The following SHISAL2A variants were observed in gnomAD, a reference collection of about 807,000 sequenced individuals.
SHISAL2A encodes shisa like 2A.
Under a neutral mutation model 11.5 loss-of-function variants are expected in SHISAL2A, and 18 were observed. The ratio of observed to expected loss-of-function variants is 1.57; its 90% CI spans 1.08 to 2.33. The LOEUF is 2.33. Ranked by LOEUF, SHISAL2A falls within the 30% of genes most tolerant of loss-of-function variation. The probability of loss-of-function intolerance (pLI) is 0.00; values close to 1 mark genes in which losing one functional copy is unlikely to be tolerated. For synonymous variants in SHISAL2A, 94 were observed against 99.6 expected, an observed-to-expected ratio of 0.94 and a Z score of 0.34; for missense variants, 261 against 250.9, an observed-to-expected ratio of 1.04 and a Z score of -0.27.
rs1039367895 is a variant in SHISAL2A at position 52,634,003 on chromosome 1, A to G, written c.182+328A>G. Among the ~76,000 whole-genome samples the G allele has an allele frequency of 2.0e-5, 3 of 151,852 alleles. 1 individual carries two copies. The highest frequency in any genetic ancestry group is 4.8e-5 in the African/African-American group (2 of 41,332). On this transcript the variant is annotated intron_variant, in intron 1 of 2. Transcript: ENST00000517870. ...CATATCAAGCCTCCCCCTAACAGCA[A>G]CTTCCATCTTCAAACATTCACAGGC...
downstream of SHISAL2A, among the ~76,000 whole-genome samples, chr1:52,659,853 G>C (rs1265302578): frequency 6.6e-6 from 1 of 152,186 alleles, no homozygotes; most frequent in East Asian, 1.9e-4. Context: ...GGAGGTTTCA[G>C]GAAAGAATCT....
At chr1:52,661,015 G>A (rs1057488842), downstream of SHISAL2A, among the ~76,000 whole-genome samples, 4 of 152,216 alleles carry the variant, frequency 2.6e-5, no homozygotes, top group Non-Finnish European at 5.9e-5. Flanking sequence ...ATTTAAGGCA[G>A]AAGGAACAGC....
Position 52,656,950 on chromosome 1 carries a change from C to T in SHISAL2A, c.483C>T (p.Cys161=), listed in dbSNP as rs761487827. 1.2e-6 allele frequency: 2 copies of T among 1,614,084 alleles called. No homozygotes were observed. The highest frequency in any genetic ancestry group is 1.7e-6 in the Non-Finnish European group (2 of 1,180,046). Reference sequence around the variant, plus strand: ...ACTCCAAACGCCTCCTCCATCATTGCTTCATGGCCACAGTGACCACCAGTG... The same window carrying T: ...ACTCCAAACGCCTCCTCCATCATTGTTTCATGGCCACAGTGACCACCAGTG... ...AVNSKRLLHH[C]FMATVTTSDI... Residue 161 remains cysteine (C), a synonymous_variant, in exon 3 of 3, where the codon TGC becomes TGT. Coordinates refer to ENST00000517870, the MANE Select transcript of SHISAL2A (RefSeq NM_001042693.3).
intron 1 of SHISAL2A, among the ~76,000 whole-genome samples, chr1:52,640,693 A>G (rs2149875949): frequency 6.6e-6 from 1 of 151,934 alleles, no homozygotes; most frequent in South Asian, 2.1e-4. Flanking sequence ...CCTTGTAGAT[A>G]GAGATGCTAG....
chr1:52,663,268 G>A (rs1374886126), intron 4 of SHISAL2A, among the ~76,000 whole-genome samples: 5 of 152,056 alleles, frequency 3.3e-5, no homozygotes, highest in Non-Finnish European at 5.9e-5. Context: ...ACCCAGAGGC[G>A]TGAGGGATTT....
At position 52,652,220 on chromosome 1, in the gene SHISAL2A, C is replaced by T. The variant is rs188610006; in HGVS notation, c.323-4570C>T. On this transcript the variant is annotated intron_variant, in intron 2 of 2. Transcript: ENST00000517870. ...CACAGCCTAGGGCCTCAGATCTCTG[C>T]AAGGTTGTTCTGGGACAAGAGGATC... Among the ~76,000 whole-genome samples, 268 of 152,260 alleles carry T rather than the reference C, an allele frequency of 1.8e-3. 3 individuals carry two copies. Among genetic ancestry groups the T allele is most frequent in the Admixed American group, 0.013 (202 of 15,296 alleles).
At chr1:52,653,477 A>G (rs1691718569) in intron 2 of SHISAL2A, among the ~76,000 whole-genome samples, 1 of 151,800 alleles carries the variant, frequency 6.6e-6, no homozygotes, top group Non-Finnish European at 1.5e-5. Flanking sequence ...AGAAAACTAC[A>G]AAATGCTTAG....
At chr1:52,634,355 C>T (rs1691196760) in intron 1 of SHISAL2A, among the ~76,000 whole-genome samples, 1 of 152,226 alleles carries the variant, frequency 6.6e-6, no homozygotes, top group Admixed American at 6.5e-5. Flanking sequence ...GCACTCTCTA[C>T]TGAGCACTTG....
intron 2 of SHISAL2A, among the ~76,000 whole-genome samples, chr1:52,649,381 C>A (rs146942733): frequency 2.6e-5 from 4 of 152,280 alleles, no homozygotes; most frequent in Middle Eastern, 3.4e-3. Flanking sequence ...ACCCAGATCT[C>A]CCAGACTCTA....
chr1:52,654,356 T>C (rs1691743855), intron 2 of SHISAL2A, among the ~76,000 whole-genome samples: 1 of 152,006 alleles, frequency 6.6e-6, no homozygotes, highest in Non-Finnish European at 1.5e-5. Flanking sequence ...AAAAGAATAA[T>C]GAAGTTGGAG....
At chr1:52,663,994 A>G (rs1054387314) in intron 4 of SHISAL2A, among the ~76,000 whole-genome samples, 9 of 152,316 alleles carry the variant, frequency 5.9e-5, no homozygotes, top group Middle Eastern at 3.4e-3. Context: ...GAGCATTGCA[A>G]TATGCCAAAA....
intron 2 of SHISAL2A, among the ~76,000 whole-genome samples, chr1:52,644,777 G>C (rs372199387): frequency 1.3e-5 from 2 of 152,024 alleles, no homozygotes; most frequent in East Asian, 1.9e-4. Context: ...CAGCACTTTG[G>C]GAGGCCAGGG....
intron 1 of SHISAL2A, among the ~76,000 whole-genome samples, chr1:52,642,197 G>A (rs1162742712): frequency 6.6e-6 from 1 of 152,194 alleles, no homozygotes; most frequent in Non-Finnish European, 1.5e-5. Flanking sequence ...AGAAACAGCA[G>A]TATGGGGGGG....
At chr1:52,657,867 T>C (rs1364627741), downstream of SHISAL2A, among the ~76,000 whole-genome samples, 1 of 152,098 alleles carries the variant, frequency 6.6e-6, no homozygotes, top group East Asian at 1.9e-4. Flanking sequence ...GAAGAATGAA[T>C]GAATGAATGA....
chr1:52,644,446 C>T (rs551052671), intron 2 of SHISAL2A, among the ~76,000 whole-genome samples: 13 of 152,226 alleles, frequency 8.5e-5, no homozygotes, highest in East Asian at 1.9e-4. Context: ...GGGTGACAGC[C>T]GGTTGTAGTG....
intron 1 of SHISAL2A, among the ~76,000 whole-genome samples, chr1:52,637,426 C>T (rs1325009299): frequency 2.0e-5 from 3 of 152,190 alleles, no homozygotes; most frequent in African/African-American, 7.2e-5. Flanking sequence ...TCAAAATCTC[C>T]AGGTAAGCAC....
At chr1:52,641,805 G>A (rs1691371356) in intron 1 of SHISAL2A, among the ~76,000 whole-genome samples, 1 of 151,810 alleles carries the variant, frequency 6.6e-6, no homozygotes, top group South Asian at 2.1e-4. Flanking sequence ...AAAGAGGCGG[G>A]GGTGAGTGGG....
At chr1:52,667,153 C>G (rs1692028468) in intron 4 of SHISAL2A, among the ~76,000 whole-genome samples, 1 of 152,212 alleles carries the variant, frequency 6.6e-6, no homozygotes, top group African/African-American at 2.4e-5. Flanking sequence ...TTCACCAATT[C>G]TGAGTTTGGT....
intron 1 of SHISAL2A, among the ~76,000 whole-genome samples, chr1:52,641,556 G>A (rs1338614646): frequency 6.6e-6 from 1 of 152,186 alleles, no homozygotes; most frequent in African/African-American, 2.4e-5. Context: ...AGGCAGTGAG[G>A]TTGGAGGGTG....
Sources: allele counts gnomAD v4.1 joint callset (sites outside exome capture counted in the v4.1 genomes callset), GRCh38; gene constraint gnomAD v4.1.1; transcripts MANE v1.5; gene names NCBI Gene and HGNC (gene_info 2026-07-23, HGNC 2026-07-21).